The following INPP4B variants were observed in gnomAD, a reference collection of about 807,000 sequenced individuals.
INPP4B encodes the protein inositol polyphosphate 4-phosphatase type II.
In INPP4B, 55 loss-of-function variants were observed where a neutral mutation model predicts 122.5. The observed-to-expected ratio is 0.45, with a 90% CI of 0.36 to 0.56. INPP4B has a LOEUF of 0.56. Ranked by LOEUF, INPP4B falls within the 20% of genes least tolerant of loss-of-function variation. The probability of loss-of-function intolerance (pLI) is 0.00; values close to 1 mark genes in which losing one functional copy is unlikely to be tolerated. For synonymous variants in INPP4B, 403 were observed against 388.7 expected, an observed-to-expected ratio of 1.04 and a Z score of -0.43; for missense variants, 1,000 against 1,097.7, an observed-to-expected ratio of 0.91 and a Z score of 1.26.
rs571377187 is a variant in INPP4B, at chr4:142,393,970, T to A, written c.372+8968A>T. Among the ~76,000 whole-genome samples the A allele has an allele frequency of 1.6e-4, 25 of 152,336 alleles. No individual in the cohort carries two copies. In the South Asian group the frequency reaches 5.2e-3, roughly 32 times the overall value. ...TCAATTAAACTCCTTTAAATTTAAT[T>A]TGGCTGAAGTTTTTCCTTTAACAAT... On this transcript the variant is annotated intron_variant, in intron 7 of 25. Transcript: ENST00000262992.
chr4:142,545,721 GTGTGTATATACACATATA>G (rs1183149238), intron 2 of INPP4B, among the ~76,000 whole-genome samples: 76 of 117,884 alleles, frequency 6.4e-4, no homozygotes, highest in African/African-American at 2.6e-3. Flanking sequence ...GTGTGTATAT[GTGTGTATATACACATATA>G]TGTGTATATA....
chr4:142,805,489 T>C (rs1416956653), intron 1 of INPP4B, among the ~76,000 whole-genome samples: 3 of 152,190 alleles, frequency 2.0e-5, no homozygotes, highest in East Asian at 1.9e-4. Flanking sequence ...TAAATTACAG[T>C]TGGCCCTTGA....
At chr4:142,216,514 G>A (rs539394580) in intron 12 of INPP4B, among the ~76,000 whole-genome samples, 1 of 152,194 alleles carries the variant, frequency 6.6e-6, no homozygotes, top group South Asian at 2.1e-4. Flanking sequence ...ATAGATCCTG[G>A]CATTCCAACA....
At chr4:142,102,427 AT>A (rs1354736407) in intron 23 of INPP4B, among the ~76,000 whole-genome samples, 1 of 147,460 alleles carries the variant, frequency 6.8e-6, no homozygotes, top group African/African-American at 2.5e-5. Context: ...GGTTGATCAG[AT>A]TTTTAGTTGG....
chr4:142,609,061 A>G (rs1321841719), intron 2 of INPP4B, among the ~76,000 whole-genome samples: 2 of 151,966 alleles, frequency 1.3e-5, no homozygotes, highest in Non-Finnish European at 2.9e-5. Context: ...TTACTCTATA[A>G]TGATATTTCC....
Position 142,260,349 on chromosome 4 carries a change from G to C in INPP4B, c.688+143C>G, listed in dbSNP as rs79024206. The C allele has an allele frequency of 0.012, 8,056 of 653,286 alleles. 500 individuals carry two copies. The African/African-American group carries it at 0.13, about 11-fold the overall frequency. The allele number at this position is 653,286 out of a possible 1,614,324, so 40.5% of individuals were successfully genotyped here. On this transcript the variant is annotated intron_variant, in intron 11 of 25. Coordinates refer to ENST00000262992, the MANE Select transcript of INPP4B (RefSeq NM_001101669.3). Reference sequence around the variant, plus strand: ...TCCTGTGGAATTGTACAATCTCCCCGCATTCTGCTGGCCCCTTATGATTTC... The same window carrying C: ...TCCTGTGGAATTGTACAATCTCCCCCCATTCTGCTGGCCCCTTATGATTTC...
At chr4:142,842,179 A>G (rs372914200) in intron 1 of INPP4B, among the ~76,000 whole-genome samples, 11 of 151,908 alleles carry the variant, frequency 7.2e-5, no homozygotes, top group African/African-American at 2.4e-4. Flanking sequence ...TATTTCACTT[A>G]GTTCTTCATA....
intron 18 of INPP4B, 112 bp from the exon 19 acceptor site, chr4:142,124,872 T>C (rs17015559): frequency 0.11 from 89,963 of 783,932 alleles, 6,012 homozygotes; most frequent in East Asian, 0.22. Context: ...GACATATTCT[T>C]AAGGATTCAC....
intron 2 of INPP4B, among the ~76,000 whole-genome samples, chr4:142,546,176 G>A (rs1221708856): frequency 6.6e-5 from 10 of 151,978 alleles, no homozygotes; most frequent in Non-Finnish European, 1.5e-4. Flanking sequence ...TTGTAAATGA[G>A]AACATGTAGT....
At chr4:142,665,495 A>G (rs887102706) in intron 2 of INPP4B, among the ~76,000 whole-genome samples, 2 of 142,766 alleles carry the variant, frequency 1.4e-5, no homozygotes, top group African/African-American at 5.4e-5. Context: ...CTCTGTCTCA[A>G]AAAAAAAAAA....
intron 2 of INPP4B, among the ~76,000 whole-genome samples, chr4:142,666,275 A>G (rs938009857): frequency 6.6e-6 from 1 of 152,158 alleles, no homozygotes; most frequent in African/African-American, 2.4e-5. Context: ...TTTTGCAACA[A>G]GAGTAAAAAT....
chr4:142,694,924 C>A (rs975247879), intron 2 of INPP4B, among the ~76,000 whole-genome samples: 13 of 152,088 alleles, frequency 8.5e-5, no homozygotes, highest in Admixed American at 7.2e-4. Context: ...ATAAGAAAAA[C>A]CACTTTCTGG....
chr4:142,431,276 T>G lies in INPP4B; in HGVS notation c.-17A>C, dbSNP rs1329830542. On this transcript the variant is annotated 5_prime_UTR_variant, in exon 4 of 26. Transcript: ENST00000262992. ...AATTTCCATGATCAACCTTCACAGT[T>G]TTAAAATTTTCCAAATTTTCTTGTC... 2 of 1,607,358 alleles carry G rather than the reference T, an allele frequency of 1.2e-6. No homozygotes were observed. Among genetic ancestry groups the G allele is most frequent in the Admixed American group, 3.3e-5 (2 of 59,832 alleles).
intron 1 of INPP4B, among the ~76,000 whole-genome samples, chr4:142,754,823 C>T (rs1770270992): frequency 6.6e-6 from 1 of 152,002 alleles, no homozygotes; most frequent in African/African-American, 2.4e-5. Flanking sequence ...TATAGCTAAA[C>T]TCTGATCCAT....
chr4:142,072,977 T>G (rs530810878), intron 25 of INPP4B, among the ~76,000 whole-genome samples: 1 of 152,186 alleles, frequency 6.6e-6, no homozygotes, highest in Admixed American at 6.5e-5. Flanking sequence ...AATTCCAAAG[T>G]CCTTCCTCTT....
At chr4:142,467,185 C>G (rs539204040) in intron 2 of INPP4B, among the ~76,000 whole-genome samples, 1 of 152,334 alleles carries the variant, frequency 6.6e-6, no homozygotes, top group East Asian at 1.9e-4. Flanking sequence ...GGTCACTGAC[C>G]TCCAGACCTG....
At chr4:142,067,094 C>T (rs1272163119) in intron 25 of INPP4B, among the ~76,000 whole-genome samples, 4 of 152,186 alleles carry the variant, frequency 2.6e-5, no homozygotes, top group African/African-American at 9.6e-5. Context: ...ACTGACACCT[C>T]ATACAGCTGG....
At chr4:142,405,463 T>G in intron 5 of INPP4B, 139 bp from the exon 6 acceptor site, 1 of 625,902 alleles carries the variant, frequency 1.6e-6, no homozygotes, top group Middle Eastern at 3.8e-4. Flanking sequence ...ACAGAGGAAG[T>G]CCCTTGGAAG....
At chr4:142,173,864 C>A (rs1826732951) in intron 15 of INPP4B, 55 bp from the exon 16 acceptor site, 1 of 1,387,858 alleles carries the variant, frequency 7.2e-7, no homozygotes, top group African/African-American at 1.4e-5. Flanking sequence ...AATGTTCAGC[C>A]CTTAATATCA....
Sources: allele counts gnomAD v4.1 joint callset (sites outside exome capture counted in the v4.1 genomes callset), GRCh38; gene constraint gnomAD v4.1.1; transcripts MANE v1.5; gene names NCBI Gene and HGNC (gene_info 2026-07-23, HGNC 2026-07-21).